GPR158: variants seen among roughly 807,000 people sequenced by gnomAD.
GPR158 encodes metabotropic glycine receptor.
A neutral mutation model predicts 78.2 loss-of-function variants in GPR158; 30 were observed. The observed-to-expected ratio is 0.38, with a 90% CI of 0.29 to 0.52. The LOEUF (loss-of-function observed/expected upper bound fraction) is 0.52, where lower values mean the gene tolerates loss of function less well. Ranked by LOEUF, GPR158 falls within the 20% of genes least tolerant of loss-of-function variation. The pLI is 0.83. For synonymous variants in GPR158, 581 were observed against 591.1 expected, an observed-to-expected ratio of 0.98 and a Z score of 0.25; for missense variants, 1,463 against 1,523.5, an observed-to-expected ratio of 0.96 and a Z score of 0.66.
Position 25,222,049 on chromosome 10 carries a change from G to A in GPR158, c.1008+892G>A, listed in dbSNP as rs139334808. Among the ~76,000 whole-genome samples the A allele has an allele frequency of 6.7e-4, 102 of 152,150 alleles. No homozygotes were observed. In the East Asian group the frequency reaches 0.015, roughly 22 times the overall value. ...TAAGGAAGGAATTTTAAATCAGAAG[G>A]AAATTTAGCAATAAGCACTTATTTG... On this transcript the variant is annotated intron_variant, in intron 2 of 10. Coordinates refer to ENST00000376351, the MANE Select transcript of GPR158 (RefSeq NM_020752.3).
chr10:25,208,988 A>C (rs1003707683), intron 1 of GPR158, among the ~76,000 whole-genome samples: 1 of 151,746 alleles, frequency 6.6e-6, no homozygotes, highest in South Asian at 2.1e-4. Flanking sequence ...AGCTGGGACT[A>C]CAGGTGCGTG....
intron 6 of GPR158, among the ~76,000 whole-genome samples, chr10:25,559,105 C>T (rs1227533822): frequency 6.6e-6 from 1 of 152,134 alleles, no homozygotes; most frequent in African/African-American, 2.4e-5. Context: ...TCAGTTTTTG[C>T]CTCAGGTATT....
At chr10:25,577,042 A>G (rs949368166) in intron 7 of GPR158, among the ~76,000 whole-genome samples, 20 of 152,026 alleles carry the variant, frequency 1.3e-4, no homozygotes, top group African/African-American at 4.6e-4. Flanking sequence ...GTCTTAAGAC[A>G]TCTGAGACAT....
intron 2 of GPR158, among the ~76,000 whole-genome samples, chr10:25,311,329 A>C (rs553514192): frequency 6.6e-6 from 1 of 151,982 alleles, no homozygotes. Flanking sequence ...TATTTATTCA[A>C]CATTATTCTA....
intron 3 of GPR158, among the ~76,000 whole-genome samples, chr10:25,397,802 A>G (rs1399185184): frequency 6.6e-6 from 1 of 152,174 alleles, no homozygotes; most frequent in East Asian, 1.9e-4. Context: ...TTGCTGGGAT[A>G]GTCACTCCCT....
At chr10:25,215,588 A>G (rs913303622) in intron 1 of GPR158, among the ~76,000 whole-genome samples, 3 of 152,364 alleles carry the variant, frequency 2.0e-5, no homozygotes, top group African/African-American at 7.2e-5. Context: ...CAATCCTAGC[A>G]CTTTGGGAGG....
chr10:25,533,248 C>T (rs960627421), intron 5 of GPR158, among the ~76,000 whole-genome samples: 20 of 152,230 alleles, frequency 1.3e-4, no homozygotes, highest in African/African-American at 3.6e-4. Flanking sequence ...CAATTCCACA[C>T]GTGGCTTGCT....
chr10:25,565,755 G>A (rs776560733), intron 6 of GPR158, among the ~76,000 whole-genome samples: 1 of 152,158 alleles, frequency 6.6e-6, no homozygotes, highest in Non-Finnish European at 1.5e-5. Flanking sequence ...AACTGTTAAC[G>A]CTTAAGGTTC....
chr10:25,189,676 A>G (rs1484597755), intron 1 of GPR158, among the ~76,000 whole-genome samples: 1 of 151,924 alleles, frequency 6.6e-6, no homozygotes, highest in African/African-American at 2.4e-5. Context: ...TAGGAGATAT[A>G]CCTAATGTAA....
intron 4 of GPR158, among the ~76,000 whole-genome samples, chr10:25,457,137 CACCTT>C (rs1835301616): frequency 7.9e-6 from 1 of 126,422 alleles, no homozygotes; most frequent in African/African-American, 3.0e-5. Context: ...CCACCATGCC[CACCTT>C]TTTTTTTTTT....
chr10:25,399,010 T>C (rs1429962682), intron 3 of GPR158, among the ~76,000 whole-genome samples: 1 of 152,164 alleles, frequency 6.6e-6, no homozygotes, highest in Admixed American at 6.5e-5. Flanking sequence ...CATGCTGTTA[T>C]GAAGAAATAG....
At chr10:25,271,743 C>T (rs1030520589) in intron 2 of GPR158, among the ~76,000 whole-genome samples, 2 of 152,086 alleles carry the variant, frequency 1.3e-5, no homozygotes, top group Non-Finnish European at 2.9e-5. Context: ...CTCACTGCAA[C>T]CTCCACTTCC....
Position 25,279,914 on chromosome 10 carries a change from G to T in GPR158, c.1008+58757G>T, listed in dbSNP as rs527720810. Among the ~76,000 whole-genome samples, 5 of 150,056 alleles carry T rather than the reference G, an allele frequency of 3.3e-5. No individual in the cohort carries two copies. The East Asian group carries it at 9.8e-4, about 29-fold the overall frequency. On this transcript the variant is annotated intron_variant, in intron 2 of 10. Coordinates refer to ENST00000376351, the MANE Select transcript of GPR158 (RefSeq NM_020752.3). ...CTAACCACTGGGCTGTACCACTAGC[G>T]ATTAATTTTAGACTTTTGTGCCTGG...
chr10:25,273,439 A>G (rs1854143611), intron 2 of GPR158, among the ~76,000 whole-genome samples: 1 of 148,120 alleles, frequency 6.8e-6, no homozygotes, highest in Admixed American at 6.7e-5. Context: ...ACATGAAGTA[A>G]AGATTTTTGG....
chr10:25,575,012 A>C (rs1484498125), intron 7 of GPR158, among the ~76,000 whole-genome samples: 1 of 151,332 alleles, frequency 6.6e-6, no homozygotes, highest in Non-Finnish European at 1.5e-5. Context: ...GATTGCAGTG[A>C]GCTGAGATCA....
At chr10:25,475,012 A>C (rs1474004388) in intron 5 of GPR158, among the ~76,000 whole-genome samples, 1 of 152,198 alleles carries the variant, frequency 6.6e-6, no homozygotes, top group African/African-American at 2.4e-5. Flanking sequence ...TAATGAGCAT[A>C]GTCCTATAAT....
At chr10:25,187,149 T>A (rs1179459393) in intron 1 of GPR158, among the ~76,000 whole-genome samples, 3 of 151,854 alleles carry the variant, frequency 2.0e-5, no homozygotes, top group African/African-American at 7.3e-5. Context: ...GTATTTTTAA[T>A]AGAGACAGGG....
chr10:25,180,360 G>T (rs1487310105), intron 1 of GPR158, among the ~76,000 whole-genome samples: 1 of 152,174 alleles, frequency 6.6e-6, no homozygotes, highest in Non-Finnish European at 1.5e-5. Context: ...AGCTAATGTA[G>T]CTAGTAAATG....
At chr10:25,259,083 A>G (rs1325087581) in intron 2 of GPR158, among the ~76,000 whole-genome samples, 2 of 152,142 alleles carry the variant, frequency 1.3e-5, no homozygotes, top group Non-Finnish European at 2.9e-5. Context: ...CATGTTGAAT[A>G]GGCTGAGGAG....
Sources: gnomAD v4.1 joint callset for allele counts (sites outside exome capture counted in the v4.1 genomes callset) on GRCh38, gnomAD v4.1.1 for gene constraint, MANE v1.5 for transcripts, NCBI Gene and HGNC (gene_info 2026-07-23, HGNC 2026-07-21) for gene names.